Variants in SEMA6D observed in about 807,000 individuals in gnomAD.
SEMA6D encodes semaphorin-6D.
A neutral mutation model predicts 106.6 loss-of-function variants in SEMA6D; 35 were observed. That is an observed-to-expected ratio of 0.33 (90% CI 0.25 to 0.44). SEMA6D has a LOEUF of 0.44. Among genes scored for constraint, SEMA6D ranks in the 20% least tolerant of loss-of-function variants. SEMA6D has a pLI of 1.00. For missense variants in SEMA6D, 1,185 were observed against 1,345.9 expected, an observed-to-expected ratio of 0.88 and a Z score of 1.87; for synonymous variants, 499 against 487.7, an observed-to-expected ratio of 1.02 and a Z score of -0.31.
At chr15:47,681,409 A>G (rs1227092571) in intron 4 of SEMA6D, among the ~76,000 whole-genome samples, 1 of 152,230 alleles carries the variant, frequency 6.6e-6, no homozygotes, top group African/African-American at 2.4e-5. Context: ...AACGCATAGA[A>G]GCAGAAAGTA....
intron 1 of SEMA6D, among the ~76,000 whole-genome samples, chr15:47,411,253 G>A (rs987917755): frequency 6.6e-5 from 10 of 151,846 alleles, no homozygotes; most frequent in African/African-American, 2.2e-4. Context: ...TTGCCACCAC[G>A]CCCGGCTAAT....
intron 1 of SEMA6D, among the ~76,000 whole-genome samples, chr15:47,295,916 C>A (rs1005956567): frequency 6.6e-6 from 1 of 152,188 alleles, no homozygotes; most frequent in Non-Finnish European, 1.5e-5. Context: ...CTGAAACATT[C>A]TGTGATTCAG....
chr15:47,545,491 A>G (rs2045492642), intron 3 of SEMA6D, among the ~76,000 whole-genome samples: 1 of 152,156 alleles, frequency 6.6e-6, no homozygotes, highest in South Asian at 2.1e-4. Context: ...CCAGAGTGAG[A>G]CATCACATTT....
At chr15:47,421,442 T>C (rs563545215) in intron 2 of SEMA6D, among the ~76,000 whole-genome samples, 4 of 151,778 alleles carry the variant, frequency 2.6e-5, no homozygotes, top group Non-Finnish European at 5.9e-5. Flanking sequence ...TCAGCACTTA[T>C]GAAGAGTAGT....
intron 1 of SEMA6D, among the ~76,000 whole-genome samples, chr15:47,720,286 G>T (rs2079349903): frequency 2.3e-5 from 2 of 86,310 alleles, no homozygotes; most frequent in African/African-American, 5.0e-5. Context: ...TTTTTTTTTG[G>T]AACATTTCTG....
intron 1 of SEMA6D, among the ~76,000 whole-genome samples, chr15:47,723,252 C>G (rs1027998972): frequency 6.6e-6 from 1 of 151,984 alleles, no homozygotes; most frequent in South Asian, 2.1e-4. Context: ...TTCCATTGGC[C>G]GTATAATTAT....
At chr15:47,593,385 G>A (rs956340416) in intron 3 of SEMA6D, among the ~76,000 whole-genome samples, 4 of 134,226 alleles carry the variant, frequency 3.0e-5, no homozygotes, top group African/African-American at 8.8e-5. Context: ...CGGCCTGGGC[G>A]ACAGAGCGAA....
intron 1 of SEMA6D, among the ~76,000 whole-genome samples, chr15:47,363,626 G>C (rs1456556781): frequency 1.3e-5 from 2 of 152,114 alleles, no homozygotes; most frequent in African/African-American, 4.8e-5. Context: ...GCTGACCAGG[G>C]GGCGATTTCA....
At chr15:47,579,600 C>T (rs2076220576) in intron 3 of SEMA6D, among the ~76,000 whole-genome samples, 1 of 152,062 alleles carries the variant, frequency 6.6e-6, no homozygotes, top group South Asian at 2.1e-4. Flanking sequence ...CATCATTTTG[C>T]TTGTATTAAA....
chr15:47,601,311 C>T (rs897388835), intron 4 of SEMA6D, among the ~76,000 whole-genome samples: 5 of 152,194 alleles, frequency 3.3e-5, no homozygotes, highest in African/African-American at 1.2e-4. Flanking sequence ...ACAGCCCTAA[C>T]CTTTCAGCTT....
In SEMA6D at chr15:47,552,590, G is replaced by A. The variant is rs1019370909; in HGVS notation, c.-86-48275G>A. Among the ~76,000 whole-genome samples the A allele has an allele frequency of 2.0e-5, 3 of 147,378 alleles. No individual in the cohort carries two copies. In the Admixed American group the frequency reaches 2.0e-4, roughly 10 times the overall value. Reference sequence around the variant, plus strand: ...AAGGCACCAAGAAGTGTATGTATGTGTGTCTGCCTGTGCACATGTACATAT... The same window carrying A: ...AAGGCACCAAGAAGTGTATGTATGTATGTCTGCCTGTGCACATGTACATAT... On this transcript the variant is annotated intron_variant, in intron 3 of 19. Coordinates refer to the SEMA6D transcript ENST00000558014.
chr15:47,576,162 C>T (rs1224055819), intron 3 of SEMA6D, among the ~76,000 whole-genome samples: 1 of 152,140 alleles, frequency 6.6e-6, no homozygotes, highest in Non-Finnish European at 1.5e-5. Context: ...CTGAAAGCTA[C>T]CTTGTATAAT....
intron 2 of SEMA6D, among the ~76,000 whole-genome samples, chr15:47,426,399 A>G (rs751798413): frequency 3.3e-5 from 5 of 152,154 alleles, no homozygotes; most frequent in Non-Finnish European, 5.9e-5. Flanking sequence ...CTTCTGATGC[A>G]GAGCAAAACA....
intron 2 of SEMA6D, among the ~76,000 whole-genome samples, chr15:47,460,968 T>C (rs1320491468): frequency 6.6e-6 from 1 of 152,116 alleles, no homozygotes; most frequent in African/African-American, 2.4e-5. Context: ...AGTCCCCAGA[T>C]GGTGTGACTC....
At chr15:47,216,032 G>A (rs2030560790) in intron 1 of SEMA6D, among the ~76,000 whole-genome samples, 1 of 152,120 alleles carries the variant, frequency 6.6e-6, no homozygotes, top group African/African-American at 2.4e-5. Flanking sequence ...CAGTTCTTAT[G>A]GGATGATACT....
intron 1 of SEMA6D, among the ~76,000 whole-genome samples, chr15:47,357,330 T>C (rs2144987013): frequency 6.6e-6 from 1 of 152,002 alleles, no homozygotes; most frequent in Non-Finnish European, 1.5e-5. Flanking sequence ...AGACTCCATC[T>C]CAAAAAATAA....
chr15:47,275,790 A>G (rs951396167), intron 1 of SEMA6D, among the ~76,000 whole-genome samples: 1 of 152,252 alleles, frequency 6.6e-6, no homozygotes, highest in East Asian at 1.9e-4. Flanking sequence ...CTCACTTTAC[A>G]TCGAAAGTTA....
intron 3 of SEMA6D, among the ~76,000 whole-genome samples, chr15:47,492,717 A>G (rs2043510033): frequency 6.6e-6 from 1 of 152,132 alleles, no homozygotes; most frequent in African/African-American, 2.4e-5. Context: ...GGTAGCTAAC[A>G]ATGTCTGGGT....
chr15:47,348,727 C>CCACACAGAG (rs1555425939), intron 1 of SEMA6D, among the ~76,000 whole-genome samples: 13 of 57,084 alleles, frequency 2.3e-4, no homozygotes, highest in Non-Finnish European at 3.2e-4. Flanking sequence ...ACCACACACA[C>CCACACAGAG]AGAGAGAGAG....
Sources: gnomAD v4.1 joint callset for allele counts (sites outside exome capture counted in the v4.1 genomes callset) on GRCh38, gnomAD v4.1.1 for gene constraint, MANE v1.5 for transcripts, NCBI Gene and HGNC (gene_info 2026-07-23, HGNC 2026-07-21) for gene names.